Variants in ADGRV1 observed in about 807,000 individuals in gnomAD.
The protein encoded by ADGRV1 is adhesion G protein-coupled receptor V1.
Under a neutral mutation model 596.2 loss-of-function variants are expected in ADGRV1, and 359 were observed. That is an observed-to-expected ratio of 0.60 (90% CI 0.55 to 0.66). The LOEUF (loss-of-function observed/expected upper bound fraction) is 0.66. Among genes scored for constraint, ADGRV1 ranks in the 30% least tolerant of loss-of-function variants. The pLI is 0.00. For synonymous variants in ADGRV1, 2,681 were observed against 2,679.2 expected (o/e 1.00, Z -0.02); for missense variants, 7,274 against 7,575.6 (o/e 0.96, Z 1.48).
At chr5:90,686,959 C>T (rs371813770) in intron 29 of ADGRV1, among the ~76,000 whole-genome samples, 58 of 152,054 alleles carry the variant, frequency 3.8e-4, no homozygotes, top group South Asian at 1.0e-3. Context: ...ATTTCTCTGA[C>T]GGCCAGTGAT....
chr5:90,610,599 C>T (rs147655494), intron 1 of ADGRV1, among the ~76,000 whole-genome samples: 237 of 151,982 alleles, frequency 1.6e-3, no homozygotes, highest in Non-Finnish European at 2.7e-3. Flanking sequence ...AGATAGCTAG[C>T]GTGGTGTCCT....
In ADGRV1 at chr5:90,851,659, G is replaced by GT. The variant is rs142718608; in HGVS notation, c.17205-1621dup. Among the ~76,000 whole-genome samples the GT allele has an allele frequency of 7.2e-3, 1,094 of 152,294 alleles. 9 individuals carry two copies. Among genetic ancestry groups the GT allele is most frequent in the African/African-American group, 0.025 (1,052 of 41,552 alleles). On this transcript the variant is annotated intron_variant, in intron 79 of 89. Transcript: ENST00000405460. ...TGCCAATCTACATGTCAATGTGGGAGTTTTCCCCCTCATATCAACTTAGGT... is the reference window on the plus strand; with the variant it reads ...TGCCAATCTACATGTCAATGTGGGAGTTTTTCCCCCTCATATCAACTTAGGT...
chr5:90,579,274 TAC>T (rs1757655354), intron 1 of ADGRV1, among the ~76,000 whole-genome samples: 2 of 152,248 alleles, frequency 1.3e-5, no homozygotes, highest in Non-Finnish European at 1.5e-5. Flanking sequence ...CACACTGCTT[TAC>T]GTATGTCCCA....
At chr5:90,704,350 A>G (rs1036525619) in intron 35 of ADGRV1, 39 bp from the exon 36 acceptor site, 11 of 1,232,828 alleles carry the variant, frequency 8.9e-6, no homozygotes, top group Admixed American at 4.2e-5. Context: ...TTCATATTCA[A>G]TAACGACAGC....
chr5:90,767,057 G>A (rs895518003), intron 59 of ADGRV1, among the ~76,000 whole-genome samples: 1 of 152,174 alleles, frequency 6.6e-6, no homozygotes, highest in African/African-American at 2.4e-5. Flanking sequence ...GGATGGGGAG[G>A]TGGAAGAGAC....
At chr5:90,567,058 A>T (rs965509039) in intron 1 of ADGRV1, among the ~76,000 whole-genome samples, 5 of 152,062 alleles carry the variant, frequency 3.3e-5, no homozygotes, top group African/African-American at 1.2e-4. Flanking sequence ...TGAGATGATC[A>T]TGTGATTCCC....
At chr5:90,627,822 A>AT (rs1764975046) in intron 7 of ADGRV1, 46 bp downstream of exon 7, 1 of 1,220,718 alleles carries the variant, frequency 8.2e-7, no homozygotes, top group African/African-American at 1.5e-5. Flanking sequence ...TTATTATATT[A>AT]TTCCAGATTT....
intron 85 of ADGRV1, among the ~76,000 whole-genome samples, chr5:91,060,396 A>ATT (rs1403489090): frequency 2.1e-3 from 56 of 27,200 alleles, no homozygotes; most frequent in African/African-American, 4.3e-3. Context: ...ATATATATAT[A>ATT]TATTTTTTTT....
chr5:90,843,800 T>C (rs1481567959), intron 78 of ADGRV1, among the ~76,000 whole-genome samples: 4 of 152,086 alleles, frequency 2.6e-5, no homozygotes, highest in Admixed American at 6.5e-5. Flanking sequence ...CTTATAACGA[T>C]AAAAACTGGG....
intron 1 of ADGRV1, among the ~76,000 whole-genome samples, chr5:90,563,452 A>T (rs1407909129): frequency 1.3e-5 from 2 of 152,254 alleles, no homozygotes; most frequent in Non-Finnish European, 2.9e-5. Context: ...GGCAAGGAAA[A>T]TGAAATACCA....
At chr5:90,805,926 G>A (rs924974466) in intron 72 of ADGRV1, among the ~76,000 whole-genome samples, 7 of 152,096 alleles carry the variant, frequency 4.6e-5, no homozygotes, top group Non-Finnish European at 8.8e-5. Flanking sequence ...GACCTCTACC[G>A]TGTTATAGCA....
chr5:90,685,076 C>G (rs1003403935), intron 28 of ADGRV1, among the ~76,000 whole-genome samples: 6 of 152,082 alleles, frequency 3.9e-5, no homozygotes, highest in African/African-American at 1.4e-4. Context: ...TAATTATACT[C>G]TAATGATTTT....
At chr5:90,653,061 G>A (rs774649332) in intron 19 of ADGRV1, 148 bp from the exon 20 acceptor site, 8 of 705,688 alleles carry the variant, frequency 1.1e-5, no homozygotes, top group South Asian at 2.1e-5. Context: ...AAAATGTGGT[G>A]AAAGCCACAT....
chr5:90,845,244 C>T (rs1561838079), intron 78 of ADGRV1, among the ~76,000 whole-genome samples: 1 of 152,170 alleles, frequency 6.6e-6, no homozygotes, highest in Non-Finnish European at 1.5e-5. Flanking sequence ...AGTCATCCTC[C>T]TTCTGCCTTA....
intron 85 of ADGRV1, among the ~76,000 whole-genome samples, chr5:91,045,039 G>A (rs754268811): frequency 1.3e-5 from 2 of 152,100 alleles, no homozygotes; most frequent in African/African-American, 2.4e-5. Flanking sequence ...TTTGGAAGGA[G>A]AAGAGAACAT....
At position 90,708,906 on chromosome 5, in the gene ADGRV1, C is replaced by G. The variant is rs1748960664; in HGVS notation, c.8821C>G (p.Leu2941Val). ...MAASTSFPPR[L>V]DSEGLTAQVI... ...TGCTTCAACTTCATTTCCTCCCAGA[C>G]TAGGTATGAGGGGTTTCTTGTTTGT... The change falls in exon 39 of 90, where the codon CTA (leucine) becomes GTA (valine). Residue 2941 changes from leucine to valine, a missense_variant. Transcript: ENST00000405460. 13 of 1,603,374 alleles carry G rather than the reference C, an allele frequency of 8.1e-6. No homozygotes were observed. The highest frequency in any genetic ancestry group is 5.5e-5 in the South Asian group (5 of 90,690).
intron 48 of ADGRV1, among the ~76,000 whole-genome samples, chr5:90,728,221 A>G (rs939085288): frequency 3.3e-5 from 5 of 152,182 alleles, no homozygotes; most frequent in African/African-American, 9.6e-5. Flanking sequence ...GACTGCCACC[A>G]TGGGGACAGA....
chr5:90,649,999 A>G (rs1768359225), intron 17 of ADGRV1, among the ~76,000 whole-genome samples: 1 of 152,216 alleles, frequency 6.6e-6, no homozygotes, highest in Non-Finnish European at 1.5e-5. Flanking sequence ...TTGAGAATCC[A>G]ATTACTTTCG....
At chr5:90,777,194 G>A (rs1176172461) in intron 61 of ADGRV1, among the ~76,000 whole-genome samples, 1 of 152,094 alleles carries the variant, frequency 6.6e-6, no homozygotes, top group African/African-American at 2.4e-5. Flanking sequence ...GCAGGTGGAA[G>A]GGGTGGAGGG....
Sources: gnomAD v4.1 joint callset for allele counts (sites outside exome capture counted in the v4.1 genomes callset) on GRCh38, gnomAD v4.1.1 for gene constraint, MANE v1.5 for transcripts, NCBI Gene and HGNC (gene_info 2026-07-23, HGNC 2026-07-21) for gene names.